Variants in DCDC1 observed in about 807,000 individuals in gnomAD.
DCDC1 encodes doublecortin domain containing 1.
In DCDC1, 200 loss-of-function variants were observed where a neutral mutation model predicts 178.3. The ratio of observed to expected loss-of-function variants is 1.12; its 90% CI spans 1.00 to 1.26. The LOEUF (loss-of-function observed/expected upper bound fraction) is 1.26, where lower values mean the gene tolerates loss of function less well. Ranked by LOEUF, DCDC1 falls within the 50% of genes most tolerant of loss-of-function variation. DCDC1 has a pLI of 0.00. For synonymous variants in DCDC1, 690 were observed against 604.8 expected, an observed-to-expected ratio of 1.14 and a Z score of -2.07; for missense variants, 1,983 against 1,749.2, an observed-to-expected ratio of 1.13 and a Z score of -2.38.
At chr11:31,364,384 A>G (rs955849848) in intron 1 of DCDC1, among the ~76,000 whole-genome samples, 1 of 152,178 alleles carries the variant, frequency 6.6e-6, no homozygotes, top group South Asian at 2.1e-4. Context: ...GAATGGGGGA[A>G]AAAACAAGTT....
In DCDC1 at chr11:31,201,363, G is replaced by A. The variant is rs116696435; in HGVS notation, c.1221+40087C>T. Among the ~76,000 whole-genome samples, 1,049 of 151,738 alleles carry A rather than the reference G, an allele frequency of 6.9e-3. 15 individuals carry two copies. The highest frequency in any genetic ancestry group is 0.024 in the African/African-American group (995 of 41,456). On this transcript the variant is annotated intron_variant, in intron 9 of 38. Coordinates refer to ENST00000684477, the MANE Select transcript of DCDC1 (RefSeq NM_001387274.1). ...TTCTTTGTGGCCATTTTATAAAGTT[G>A]AACATCTGTCATATGACAAAAATAT...
chr11:30,958,423 C>A (rs1374556068), intron 20 of DCDC1, among the ~76,000 whole-genome samples: 1 of 152,044 alleles, frequency 6.6e-6, no homozygotes, highest in African/African-American at 2.4e-5. Context: ...GATTAAGAGA[C>A]CCATTTTATG....
chr11:31,181,542 C>G (rs1968796979), intron 9 of DCDC1, among the ~76,000 whole-genome samples: 1 of 152,246 alleles, frequency 6.6e-6, no homozygotes, highest in Non-Finnish European at 1.5e-5. Flanking sequence ...CTTTGCTGTT[C>G]TGCAGACTCC....
rs141222589 is a variant in DCDC1, at chr11:31,202,987, G to A, written c.1221+38463C>T. ...AAATTCCAACGTGCATTAAAAGGCT[G>A]GGTTCTGGACTCCCTGGGAGGCAAG... On this transcript the variant is annotated intron_variant, in intron 9 of 38. Transcript: ENST00000684477. 6.0e-3 allele frequency among the ~76,000 whole-genome samples: 912 copies of A among 152,286 alleles called. 7 individuals carry two copies. The highest frequency in any genetic ancestry group is 0.021 in the African/African-American group (869 of 41,558).
chr11:30,900,275 T>C (rs1036189647), intron 33 of DCDC1, 71 bp downstream of exon 33: 9 of 1,277,172 alleles, frequency 7.0e-6, no homozygotes, highest in African/African-American at 4.6e-5. Context: ...CATTTTCTTA[T>C]GATGGCATAA....
chr11:31,189,185 T>C (rs1046027088), intron 9 of DCDC1, among the ~76,000 whole-genome samples: 1 of 152,154 alleles, frequency 6.6e-6, no homozygotes, highest in African/African-American at 2.4e-5. Flanking sequence ...AGAGATAGTA[T>C]GATTAAGTTC....
chr11:30,919,982 T>C (rs940801193), intron 25 of DCDC1, among the ~76,000 whole-genome samples: 1 of 152,152 alleles, frequency 6.6e-6, no homozygotes, highest in African/African-American at 2.4e-5. Flanking sequence ...CCACGTACAG[T>C]CATTGCTGTA....
chr11:31,351,327 T>C (rs1301490838), intron 1 of DCDC1, among the ~76,000 whole-genome samples: 1 of 152,128 alleles, frequency 6.6e-6, no homozygotes, highest in Non-Finnish European at 1.5e-5. Flanking sequence ...TTCTGAATTT[T>C]AGACAACATA....
intron 7 of DCDC1, among the ~76,000 whole-genome samples, chr11:31,283,598 A>T (rs1946607905): frequency 6.6e-6 from 1 of 151,910 alleles, no homozygotes; most frequent in Non-Finnish European, 1.5e-5. Context: ...TCTTTACTGG[A>T]ATCTTCATGA....
chr11:31,346,302 A>G (rs1950807621), intron 1 of DCDC1, among the ~76,000 whole-genome samples: 1 of 151,930 alleles, frequency 6.6e-6, no homozygotes, highest in Admixed American at 6.6e-5. Context: ...TCTACTAAAA[A>G]TACAAAAAAA....
chr11:31,244,623 G>A (rs1192897361), intron 8 of DCDC1, among the ~76,000 whole-genome samples: 1 of 151,610 alleles, frequency 6.6e-6, no homozygotes, highest in Non-Finnish European at 1.5e-5. Flanking sequence ...GCATGATTGT[G>A]GTAAGAACTT....
chr11:31,054,118 G>A (rs761995458), intron 20 of DCDC1, among the ~76,000 whole-genome samples: 1 of 151,632 alleles, frequency 6.6e-6, no homozygotes, highest in African/African-American at 2.4e-5. Context: ...AAAAGAATTC[G>A]GCAAAGTTTC....
At chr11:31,018,640 G>A (rs1404935470) in intron 20 of DCDC1, among the ~76,000 whole-genome samples, 2 of 152,194 alleles carry the variant, frequency 1.3e-5, no homozygotes, top group Admixed American at 6.5e-5. Context: ...AAAAAGGCTT[G>A]CAAAAGCTAC....
chr11:31,369,526 G>A (rs1005034489), intron 1 of DCDC1, among the ~76,000 whole-genome samples, 171 bp downstream of exon 1: 16 of 152,144 alleles, frequency 1.1e-4, no homozygotes, highest in Non-Finnish European at 1.5e-4. Context: ...AAAAGATTGA[G>A]AGTAGCTCAG....
chr11:30,997,491 G>T (rs1306793035), intron 20 of DCDC1, among the ~76,000 whole-genome samples: 1 of 152,082 alleles, frequency 6.6e-6, no homozygotes, highest in Non-Finnish European at 1.5e-5. Context: ...CAAGTATTTT[G>T]TCTAGATATT....
intron 9 of DCDC1, among the ~76,000 whole-genome samples, chr11:31,233,142 G>C (rs907131474): frequency 6.6e-6 from 1 of 151,566 alleles, no homozygotes; most frequent in African/African-American, 2.4e-5. Flanking sequence ...ACAGCTCAAT[G>C]AGGTAAGTAT....
At chr11:31,291,641 G>T (rs1417543332) in intron 6 of DCDC1, among the ~76,000 whole-genome samples, 1 of 151,844 alleles carries the variant, frequency 6.6e-6, no homozygotes, top group Non-Finnish European at 1.5e-5. Context: ...TAAATAATTT[G>T]CACCTGAGCT....
chr11:31,104,266 T>G lies in DCDC1; in HGVS notation c.1752-497A>C, dbSNP rs568474469. ...TTTGGAAATTAAAATCAAAAACAGA[T>G]TTTAAATGAAAACAATGGCCACTAT... On this transcript the variant is annotated intron_variant, in intron 13 of 38. Coordinates refer to ENST00000684477, the MANE Select transcript of DCDC1 (RefSeq NM_001387274.1). Among the ~76,000 whole-genome samples, 9 of 152,286 alleles carry G rather than the reference T, an allele frequency of 5.9e-5. No individual in the cohort carries two copies. In the South Asian group the frequency reaches 1.9e-3, roughly 32 times the overall value.
chr11:30,957,387 A>T (rs938519230), intron 20 of DCDC1, among the ~76,000 whole-genome samples: 1 of 151,990 alleles, frequency 6.6e-6, no homozygotes, highest in Non-Finnish European at 1.5e-5. Flanking sequence ...TTAGATTTTC[A>T]TCTCTGAAAC....
Sources: gnomAD v4.1 joint callset for allele counts (sites outside exome capture counted in the v4.1 genomes callset) on GRCh38, gnomAD v4.1.1 for gene constraint, MANE v1.5 for transcripts, NCBI Gene and HGNC (gene_info 2026-07-23, HGNC 2026-07-21) for gene names.